Variants in DIPK2B observed in about 807,000 individuals in gnomAD.
DIPK2B encodes the protein divergent protein kinase domain 2B, also known as UPF0672 protein CXorf36.
DIPK2B carries 15 observed loss-of-function variants against 22.2 expected under a neutral mutation model. That is an observed-to-expected ratio of 0.68 (90% confidence interval 0.45 to 1.04). The LOEUF (loss-of-function observed/expected upper bound fraction) is 1.04, where lower values mean the gene tolerates loss of function less well. DIPK2B is among the 50% of genes least tolerant of loss of function. The pLI, the probability that DIPK2B is intolerant of heterozygous loss-of-function variation, is 0.00. For synonymous variants in DIPK2B, 163 were observed against 153.2 expected (o/e 1.06, Z -0.47); for missense variants, 345 against 348.3 (o/e 0.99, Z 0.08).
intron 1 of DIPK2B, among the ~76,000 whole-genome samples, chrX:45,198,307 G>A (rs1055883394): frequency 3.0e-4 from 33 of 111,494 alleles, no homozygotes; most frequent in African/African-American, 8.8e-4. Flanking sequence ...AAACAGGCAC[G>A]ACTTTGATAA....
At chrX:45,155,546 G>A (rs2046989035) in intron 3 of DIPK2B, among the ~76,000 whole-genome samples, 1 of 109,696 alleles carries the variant, frequency 9.1e-6, no homozygotes, top group Non-Finnish European at 1.9e-5. Context: ...GGGAACTACT[G>A]TACTGGCCTT....
chrX:45,197,443 G>A (rs764176230), intron 1 of DIPK2B, among the ~76,000 whole-genome samples: 3 of 111,282 alleles, frequency 2.7e-5, no homozygotes, highest in East Asian at 2.8e-4. Context: ...TCACATTGTT[G>A]GCCAGGATGG....
intron 2 of DIPK2B, among the ~76,000 whole-genome samples, chrX:45,187,445 C>A (rs1377403576): frequency 1.0e-5 from 1 of 99,171 alleles, no homozygotes; most frequent in Non-Finnish European, 2.0e-5. Flanking sequence ...ATAAGTGCTA[C>A]ACATGCTCGA....
At chrX:45,176,991 T>A (rs1340860106) in intron 2 of DIPK2B, among the ~76,000 whole-genome samples, 1 of 111,602 alleles carries the variant, frequency 9.0e-6, no homozygotes, top group East Asian at 2.8e-4. Flanking sequence ...ATGGTTTGGA[T>A]ATCTGTCCCT....
chrX:45,158,708 A>G (rs2047008463), intron 2 of DIPK2B, among the ~76,000 whole-genome samples: 1 of 111,572 alleles, frequency 9.0e-6, no homozygotes, highest in South Asian at 3.7e-4. Context: ...TTCCACAACT[A>G]CCAACTGTGT....
chrX:45,199,899 C>T (rs979253369), intron 1 of DIPK2B, among the ~76,000 whole-genome samples: 2 of 111,218 alleles, frequency 1.8e-5, no homozygotes, highest in Non-Finnish European at 3.8e-5. Flanking sequence ...TGCTGAGAGC[C>T]ATGTGCATTG....
At position 45,200,857 on chromosome X, in the gene DIPK2B, G is replaced by A; in HGVS notation, c.-31C>T. 9.0e-7 allele frequency: 1 copy of A among 1,107,110 alleles called. No individual in the cohort carries two copies. The highest frequency in any genetic ancestry group is 1.2e-6 in the Non-Finnish European group (1 of 824,335). The allele number at this position is 1,107,110 out of a possible 1,213,427, so 91.2% of individuals were successfully genotyped here. A position where few individuals can be genotyped will look rare whatever the true frequency, so the allele number is the denominator to read the frequency against. On this transcript the variant is annotated 5_prime_UTR_variant, in exon 1 of 5. Coordinates refer to ENST00000398000, the MANE Select transcript of DIPK2B (RefSeq NM_176819.4). ...GCTCTGGGCTCCAGCTGCAGCCTCT[G>A]GCTGTCCACTCGAGGCTGTACAGAG...
intron 2 of DIPK2B, among the ~76,000 whole-genome samples, chrX:45,180,064 A>G (rs918374860): frequency 9.0e-6 from 1 of 111,567 alleles, no homozygotes; most frequent in Non-Finnish European, 1.9e-5. Context: ...TTTTCCTTTA[A>G]ATGATGGAAT....
intron 2 of DIPK2B, among the ~76,000 whole-genome samples, chrX:45,173,704 G>T (rs183299377): frequency 4.9e-4 from 53 of 107,693 alleles, no homozygotes; most frequent in African/African-American, 1.3e-3. Flanking sequence ...CTAAGTAGCT[G>T]GGACTACAGG....
chrX:45,151,765 G>A lies in DIPK2B; in HGVS notation c.1189C>T (p.Pro397Ser), dbSNP rs750915161. The change falls in exon 5 of 5, where the codon CCA becomes TCA. Residue 397 changes from proline to serine, a missense_variant. By Grantham distance (74) the Pro-to-Ser change is moderately conservative. Transcript: ENST00000398000. ...VQCGDSIRPD[P>S]EVLGAASQLK... ...TGGCTGGCGGCCCCAAGGACTTCTG[G>A]GTCTGGGCGGATGCTGTCCCCACAC... The A allele has an allele frequency of 6.6e-6, 8 of 1,211,832 alleles. No homozygotes were observed. The highest frequency in any genetic ancestry group is 1.8e-5 in the South Asian group (1 of 57,012).
intron 2 of DIPK2B, chrX:45,183,474 A>C (rs1490627887): frequency 3.6e-5 from 4 of 112,245 alleles, no homozygotes; most frequent in Non-Finnish European, 7.5e-5. Flanking sequence ...AAGAGGGTAG[A>C]TTTCACAAAT....
intron 2 of DIPK2B, chrX:45,163,354 G>A: frequency 2.8e-6 from 2 of 712,512 alleles, no homozygotes; most frequent in Non-Finnish European, 3.3e-6. Context: ...TACTGGTTCT[G>A]TTTCTCTGGT....
At chrX:45,174,230 C>A (rs1393936366) in intron 2 of DIPK2B, among the ~76,000 whole-genome samples, 3 of 111,544 alleles carry the variant, frequency 2.7e-5, no homozygotes, top group Non-Finnish European at 5.7e-5. Context: ...TGTAACCATG[C>A]GTGTGTGTTA....
At chrX:45,193,046 TG>T (rs1488037120) in intron 1 of DIPK2B, among the ~76,000 whole-genome samples, 2 of 112,836 alleles carry the variant, frequency 1.8e-5, no homozygotes, top group East Asian at 5.6e-4. Context: ...CCCAAAGTGT[TG>T]GGATTACAGG....
At chrX:45,184,933 T>A (rs746190869) in intron 2 of DIPK2B, among the ~76,000 whole-genome samples, 1 of 112,335 alleles carries the variant, frequency 8.9e-6, no homozygotes, top group African/African-American at 3.2e-5. Flanking sequence ...CTTTGGTATT[T>A]TTTTTTCCTA....
chrX:45,175,459 T>C (rs1687611168), intron 2 of DIPK2B, among the ~76,000 whole-genome samples: 1 of 109,098 alleles, frequency 9.2e-6, no homozygotes, highest in South Asian at 4.0e-4. Flanking sequence ...ATGTTAAATA[T>C]GACTAGAAAA....
intron 1 of DIPK2B, among the ~76,000 whole-genome samples, chrX:45,198,130 A>G (rs2047249931): frequency 1.8e-5 from 2 of 111,732 alleles, no homozygotes; most frequent in Admixed American, 9.5e-5. Flanking sequence ...AAAAGTATAC[A>G]CAGCATGTTC....
At chrX:45,187,189 C>CG (rs1461665586) in intron 2 of DIPK2B, among the ~76,000 whole-genome samples, 1 of 111,484 alleles carries the variant, frequency 9.0e-6, no homozygotes, top group African/African-American at 3.3e-5. Flanking sequence ...GGGATGGGAG[C>CG]GGGACACAGT....
rs5952693 is a variant in DIPK2B, at chrX:45,157,921, A to T, written c.499-33T>A. 7.9e-5 allele frequency: 79 copies of T among 997,771 alleles called. 1 individual carries two copies. Among genetic ancestry groups the T allele is most frequent in the South Asian group, 5.6e-4 (23 of 40,932 alleles). 82.2% of individuals were successfully genotyped at this position (997,771 alleles called of 1,213,427 possible). On this transcript the variant is annotated intron_variant, in intron 2 of 4. Transcript: ENST00000398000. Reference sequence around the variant, plus strand: ...CAGGTGGGAGAGAGGCGGGAGAAGAAGGGGGCGGGGCGCTAAGCTCTTGTG... The same window carrying T: ...CAGGTGGGAGAGAGGCGGGAGAAGATGGGGGCGGGGCGCTAAGCTCTTGTG...
Sources: gnomAD v4.1 joint callset for allele counts (sites outside exome capture counted in the v4.1 genomes callset) on GRCh38, gnomAD v4.1.1 for gene constraint, MANE v1.5 for transcripts, NCBI Gene and HGNC (gene_info 2026-07-23, HGNC 2026-07-21) for gene names.